The following LIMCH1 variants were observed in gnomAD, a reference collection of about 807,000 sequenced individuals.
LIMCH1 encodes LIM and calponin homology domains 1.
In LIMCH1, 113 loss-of-function variants were observed where a neutral mutation model predicts 176.5. The ratio of observed to expected loss-of-function variants is 0.64; its 90% confidence interval spans 0.55 to 0.75. The LOEUF (loss-of-function observed/expected upper bound fraction) is 0.75. LIMCH1 is among the 30% of genes least tolerant of loss of function. The pLI is 0.00. For missense variants in LIMCH1, 1,674 were observed against 1,814.9 expected (o/e 0.92, Z 1.41); for synonymous variants, 619 against 645.9 (o/e 0.96, Z 0.63).
chr4:41,595,090 T>TAAA (rs2152734249), intron 1 of LIMCH1, among the ~76,000 whole-genome samples: 1 of 152,302 alleles, frequency 6.6e-6, no homozygotes, highest in Admixed American at 6.5e-5. Context: ...TATTTACTGT[T>TAAA]CCTGAATGGT....
At chr4:41,450,798 CAA>C (rs760652470) in intron 1 of LIMCH1, among the ~76,000 whole-genome samples, 20 of 50,632 alleles carry the variant, frequency 4.0e-4, no homozygotes, top group Middle Eastern at 0.013. Context: ...CTCTCTCTCT[CAA>C]AAAAAAAAAA....
chr4:41,514,679 G>T (rs1024724794), intron 2 of LIMCH1, among the ~76,000 whole-genome samples: 1 of 152,108 alleles, frequency 6.6e-6, no homozygotes, highest in African/African-American at 2.4e-5. Context: ...TGCTTTTTAG[G>T]CAATTACCTC....
chr4:41,695,727 ATTAAG>A (rs573889206), intron 31 of LIMCH1, among the ~76,000 whole-genome samples: 2 of 152,048 alleles, frequency 1.3e-5, no homozygotes, highest in East Asian at 3.8e-4. Context: ...GCTAATTTCA[ATTAAG>A]TTAACTCATG....
rs1253913863 is a variant in LIMCH1, at chr4:41,612,377, T to G, written c.10-1089T>G. On this transcript the variant is annotated intron_variant, in intron 4 of 31. Transcript: ENST00000503057. Reference sequence around the variant, plus strand: ...TCTATTGGGAATGCAGAGGGGACTTTCGCGAGCATCCCAGGGAATCTGCAG... The same window carrying G: ...TCTATTGGGAATGCAGAGGGGACTTGCGCGAGCATCCCAGGGAATCTGCAG... 1.3e-4 allele frequency: 73 copies of G among 574,234 alleles called. No individual in the cohort carries two copies. The East Asian group carries it at 2.0e-3, about 16-fold the overall frequency. 35.6% of individuals were successfully genotyped at this position (574,234 alleles called of 1,614,324 possible). A position where few individuals can be genotyped will look rare whatever the true frequency, so the allele number is the denominator to read the frequency against.
chr4:41,586,121 C>G (rs1201644603), intron 1 of LIMCH1, among the ~76,000 whole-genome samples: 2 of 142,060 alleles, frequency 1.4e-5, no homozygotes, highest in Admixed American at 7.1e-5. Flanking sequence ...CTCCCCTTCC[C>G]TTTTTGAAAC....
intron 1 of LIMCH1, among the ~76,000 whole-genome samples, chr4:41,568,749 A>G (rs1281607442): frequency 6.6e-6 from 1 of 152,248 alleles, no homozygotes; most frequent in Non-Finnish European, 1.5e-5. Context: ...ATAGTAAATA[A>G]CCATTGAAAG....
At chr4:41,664,432 T>G (rs1167097090) in intron 20 of LIMCH1, among the ~76,000 whole-genome samples, 1 of 152,212 alleles carries the variant, frequency 6.6e-6, no homozygotes, top group Admixed American at 6.5e-5. Context: ...CCTGTTGCCT[T>G]GATGCGTTTT....
chr4:41,370,720 T>A (rs1581132085), intron 1 of LIMCH1, among the ~76,000 whole-genome samples: 1 of 152,110 alleles, frequency 6.6e-6, no homozygotes, highest in South Asian at 2.1e-4. Context: ...CAAATAAAAA[T>A]AACAGCAAAC....
chr4:41,432,974 C>CCT (rs1384627110), intron 1 of LIMCH1, among the ~76,000 whole-genome samples: 1 of 152,190 alleles, frequency 6.6e-6, no homozygotes, highest in Non-Finnish European at 1.5e-5. Flanking sequence ...ACTTAACAAT[C>CCT]GGCATTATGT....
At chr4:41,411,816 G>A (rs551200178) in intron 1 of LIMCH1, among the ~76,000 whole-genome samples, 13 of 151,890 alleles carry the variant, frequency 8.6e-5, no homozygotes, top group Admixed American at 2.0e-4. Context: ...AAATTAGCCC[G>A]GCGTGGTGGC....
At chr4:41,560,616 T>A (rs1430656133) in intron 1 of LIMCH1, among the ~76,000 whole-genome samples, 3 of 152,202 alleles carry the variant, frequency 2.0e-5, no homozygotes, top group African/African-American at 7.2e-5. Flanking sequence ...CTGGGCATGA[T>A]GGCTCACGCC....
intron 1 of LIMCH1, among the ~76,000 whole-genome samples, chr4:41,468,688 C>G (rs555286122): frequency 6.6e-6 from 1 of 151,914 alleles, no homozygotes; most frequent in East Asian, 2.0e-4. Flanking sequence ...GGCATGTAGT[C>G]CTGCATTATA....
chr4:41,605,451 G>A (rs28377569), intron 3 of LIMCH1, among the ~76,000 whole-genome samples: 30,791 of 151,988 alleles, frequency 0.2, 5,451 homozygotes, highest in African/African-American at 0.48. Flanking sequence ...TGGCCTTAGC[G>A]GAACCTCTGT....
chr4:41,419,580 TTCCTTCCTTCCTTCCTTCCTTCCG>T (rs1561309020), intron 1 of LIMCH1, among the ~76,000 whole-genome samples: 11 of 80,552 alleles, frequency 1.4e-4, no homozygotes, highest in African/African-American at 2.9e-4. Context: ...CCTTCCTTCC[TTCCTTCCTTCCTTCCTTCCTTCCG>T]TCCTTCCTTC....
At chr4:41,453,892 G>C (rs1223752597) in intron 1 of LIMCH1, among the ~76,000 whole-genome samples, 6 of 152,282 alleles carry the variant, frequency 3.9e-5, no homozygotes, top group Admixed American at 3.3e-4. Flanking sequence ...GAAGGGAACA[G>C]TCTTTCTTTT....
intron 7 of LIMCH1, among the ~76,000 whole-genome samples, chr4:41,624,955 T>C (rs2092842316): frequency 6.6e-6 from 1 of 152,186 alleles, no homozygotes; most frequent in Admixed American, 6.5e-5. Flanking sequence ...TTGGCATTTC[T>C]CGTTTCACAT....
chr4:41,545,966 C>G (rs553501195), intron 1 of LIMCH1, among the ~76,000 whole-genome samples: 1 of 152,034 alleles, frequency 6.6e-6, no homozygotes, highest in Non-Finnish European at 1.5e-5. Context: ...TTTATGAAAA[C>G]AAGAAATTGT....
chr4:41,424,233 A>G (rs1016531246), intron 1 of LIMCH1, among the ~76,000 whole-genome samples: 15 of 152,084 alleles, frequency 9.9e-5, no homozygotes, highest in African/African-American at 3.6e-4. Context: ...AGCAGTGATC[A>G]TGATTCTGTC....
At chr4:41,610,030 G>C (rs897302384) in intron 4 of LIMCH1, among the ~76,000 whole-genome samples, 1 of 152,190 alleles carries the variant, frequency 6.6e-6, no homozygotes, top group African/African-American at 2.4e-5. Flanking sequence ...GGGTGGCCTG[G>C]TTTTCACTGT....
Sources: gnomAD v4.1 joint callset for allele counts (sites outside exome capture counted in the v4.1 genomes callset) on GRCh38, gnomAD v4.1.1 for gene constraint, MANE v1.5 for transcripts, NCBI Gene and HGNC (gene_info 2026-07-23, HGNC 2026-07-21) for gene names.